The following PAM variants were observed in gnomAD, a reference collection of about 807,000 sequenced individuals.
PAM encodes the protein peptidyl-glycine alpha-amidating monooxygenase.
Under a neutral mutation model 122.1 loss-of-function variants are expected in PAM, and 72 were observed. The ratio of observed to expected loss-of-function variants is 0.59; its 90% CI spans 0.49 to 0.72. PAM has a LOEUF of 0.72. Among genes scored for constraint, PAM ranks in the 30% least tolerant of loss-of-function variants. PAM has a pLI of 0.00. For synonymous variants in PAM, 389 were observed against 404.4 expected (o/e 0.96, Z 0.46); for missense variants, 1,106 against 1,183.7 (o/e 0.93, Z 0.96).
At chr5:102,876,642 G>A (rs1789298832) in intron 3 of PAM, among the ~76,000 whole-genome samples, 1 of 152,224 alleles carries the variant, frequency 6.6e-6, no homozygotes, top group Admixed American at 6.5e-5. Flanking sequence ...ATTTTAAAGG[G>A]AGAATTAGGG....
At position 102,913,974 on chromosome 5, in the gene PAM, C is replaced by T. The variant is rs779696640; in HGVS notation, c.309C>T (p.His103=). 1.9e-6 allele frequency: 3 copies of T among 1,608,446 alleles called. No individual in the cohort carries two copies. The South Asian group carries it at 3.3e-5, about 18-fold the overall frequency. ...GAGCCAGCATGGATACTGTCCATCA[C>T]ATGTTACTTTTTGGATGCAATATGC... is the stretch of plus-strand genomic sequence containing the variant. ...KPRASMDTVH[H]MLLFGCNMPS... The change falls in exon 5 of 26, where the codon CAC becomes CAT. Residue 103 remains histidine, a synonymous_variant. Coordinates refer to ENST00000438793, the MANE Select transcript of PAM (RefSeq NM_001177306.2).
rs191945236 is a variant in PAM at position 102,806,464 on chromosome 5, T to C, written c.-374+51116T>C. 1.1e-3 allele frequency among the ~76,000 whole-genome samples: 174 copies of C among 152,378 alleles called. 1 individual carries two copies. In the East Asian group the frequency reaches 0.029, roughly 25 times the overall value. ...AAACCTAGTCTGCAATTGACACTGC[T>C]AGAAGCAACACTTCTGGCCAAATGT... On this transcript the variant is annotated intron_variant, in intron 1 of 25. Coordinates refer to ENST00000438793, the MANE Select transcript of PAM (RefSeq NM_001177306.2).
chr5:102,849,457 C>T (rs1780800139), intron 1 of PAM, among the ~76,000 whole-genome samples: 1 of 150,392 alleles, frequency 6.6e-6, no homozygotes, highest in African/African-American at 2.5e-5. Flanking sequence ...ACTTGGGAGG[C>T]TGAGACAGGA....
chr5:103,008,970 A>G (rs897813376), intron 20 of PAM, among the ~76,000 whole-genome samples: 1 of 152,168 alleles, frequency 6.6e-6, no homozygotes, highest in Non-Finnish European at 1.5e-5. Context: ...TTTATAGTAC[A>G]TCCTAGAAAA....
At chr5:102,781,216 T>C (rs564854549) in intron 1 of PAM, among the ~76,000 whole-genome samples, 57 of 152,290 alleles carry the variant, frequency 3.7e-4, no homozygotes, top group African/African-American at 1.3e-3. Context: ...ACTCATTTTT[T>C]TGGGTCATTT....
Position 103,028,243 on chromosome 5 carries a change from G to A in PAM, c.2743+5G>A. On this transcript the variant is annotated splice_donor_5th_base_variant and intron_variant, in intron 25 of 25. Coordinates refer to ENST00000438793, the MANE Select transcript of PAM (RefSeq NM_001177306.2). ...GAGTACTGGGAAGATTTAGAGGTATGCCTATGACCTTTTAGAACCCTTCAT... is the reference window on the plus strand; with the variant it reads ...GAGTACTGGGAAGATTTAGAGGTATACCTATGACCTTTTAGAACCCTTCAT... The A allele has an allele frequency of 3.8e-6, 6 of 1,598,542 alleles. No homozygotes were observed. Among genetic ancestry groups the A allele is most frequent in the Non-Finnish European group, 5.1e-6 (6 of 1,166,122 alleles).
At chr5:102,893,629 A>G (rs934238594) in intron 3 of PAM, among the ~76,000 whole-genome samples, 1 of 151,754 alleles carries the variant, frequency 6.6e-6, no homozygotes, top group African/African-American at 2.4e-5. Context: ...TTTGTAGTAT[A>G]TCACTTCACT....
At chr5:102,774,139 T>G (rs1449775679) in intron 1 of PAM, among the ~76,000 whole-genome samples, 2 of 152,110 alleles carry the variant, frequency 1.3e-5, no homozygotes, top group Admixed American at 6.6e-5. Flanking sequence ...TTGATTCCAT[T>G]TGTTTGCTAT....
At chr5:102,967,910 A>G (rs1201976005) in intron 14 of PAM, among the ~76,000 whole-genome samples, 1 of 151,966 alleles carries the variant, frequency 6.6e-6, no homozygotes, top group African/African-American at 2.4e-5. Context: ...TTTGGTAGAG[A>G]TGGGGTTTCA....
At chr5:102,926,715 T>C (rs535064913) in intron 7 of PAM, 47 bp downstream of exon 7, 2 of 925,134 alleles carry the variant, frequency 2.2e-6, no homozygotes, top group African/African-American at 3.3e-5. Flanking sequence ...AGTACTATAT[T>C]GTTTAAAATA....
intron 1 of PAM, among the ~76,000 whole-genome samples, chr5:102,780,422 G>A (rs183502145): frequency 6.6e-6 from 1 of 152,212 alleles, no homozygotes; most frequent in African/African-American, 2.4e-5. Context: ...AACATAAGGG[G>A]TTTTAAACCA....
chr5:102,951,617 C>A (rs1758917472), intron 12 of PAM, among the ~76,000 whole-genome samples: 1 of 151,970 alleles, frequency 6.6e-6, no homozygotes, highest in African/African-American at 2.4e-5. Flanking sequence ...AAAGATGATT[C>A]TTGCGATAGC....
At chr5:102,780,590 T>C (rs1403290258) in intron 1 of PAM, among the ~76,000 whole-genome samples, 1 of 151,952 alleles carries the variant, frequency 6.6e-6, no homozygotes, top group Non-Finnish European at 1.5e-5. Context: ...CATTGCATGG[T>C]GTACCTCCCG....
intron 21 of PAM, among the ~76,000 whole-genome samples, chr5:103,012,915 T>C (rs1050294622): frequency 7.2e-5 from 11 of 151,992 alleles, no homozygotes; most frequent in Admixed American, 7.2e-4. Context: ...GGGTTCTCTA[T>C]GCGATTCCAT....
chr5:102,778,079 C>A (rs1757665370), intron 1 of PAM, among the ~76,000 whole-genome samples: 1 of 152,002 alleles, frequency 6.6e-6, no homozygotes. Flanking sequence ...CTCTTGGACC[C>A]CTGTTAGACA....
At chr5:102,999,895 T>C (rs1413670850) in intron 16 of PAM, among the ~76,000 whole-genome samples, 4 of 152,344 alleles carry the variant, frequency 2.6e-5, no homozygotes, top group Non-Finnish European at 5.9e-5. Flanking sequence ...GGGGCTGCTG[T>C]GAAGACCTCT....
chr5:102,862,169 C>CAAA (rs57758540), intron 1 of PAM, among the ~76,000 whole-genome samples: 819 of 70,276 alleles, frequency 0.012, 5 homozygotes, highest in Non-Finnish European at 0.025. Flanking sequence ...GACCCTGTCT[C>CAAA]AAAAAAAAAA....
chr5:102,898,785 G>A (rs1056744014), intron 3 of PAM, among the ~76,000 whole-genome samples: 1 of 151,468 alleles, frequency 6.6e-6, no homozygotes, highest in Admixed American at 6.6e-5. Context: ...TTTTTAGAGA[G>A]GTTTGAAAAA....
chr5:102,843,705 A>G lies in PAM; in HGVS notation c.-373-22118A>G, dbSNP rs468549. On this transcript the variant is annotated intron_variant, in intron 1 of 25. Coordinates refer to ENST00000438793, the MANE Select transcript of PAM (RefSeq NM_001177306.2). ...AATAGAAAATGGGCAAAGGACATGA[A>G]TAGACATTTCCCTGAGAAAGATCTA... is the stretch of plus-strand genomic sequence containing the variant. 4.0e-3 allele frequency among the ~76,000 whole-genome samples: 612 copies of G among 152,354 alleles called. 2 individuals are homozygous for G. The highest frequency in any genetic ancestry group is 0.013 in the South Asian group (62 of 4,828).
Sources: gnomAD v4.1 joint callset for allele counts (sites outside exome capture counted in the v4.1 genomes callset) on GRCh38, gnomAD v4.1.1 for gene constraint, MANE v1.5 for transcripts, NCBI Gene and HGNC (gene_info 2026-07-23, HGNC 2026-07-21) for gene names.